ZNF236: variants seen among roughly 807,000 people sequenced by gnomAD.
ZNF236 encodes the protein zinc finger protein 236.
Under a neutral mutation model 191.2 loss-of-function variants are expected in ZNF236, and 50 were observed. That is an observed-to-expected ratio of 0.26 (90% confidence interval 0.21 to 0.33). ZNF236 has a LOEUF of 0.33. Ranked by LOEUF, ZNF236 falls within the 10% of genes least tolerant of loss-of-function variation. The pLI, the probability that ZNF236 is intolerant of heterozygous loss-of-function variation, is 1.00. For synonymous variants in ZNF236, 907 were observed against 928.8 expected, an observed-to-expected ratio of 0.98 and a Z score of 0.43; for missense variants, 1,754 against 2,374.5, an observed-to-expected ratio of 0.74 and a Z score of 5.43.
At chr18:76,939,514 G>A (rs1479866049) in intron 26 of ZNF236, among the ~76,000 whole-genome samples, 1 of 152,192 alleles carries the variant, frequency 6.6e-6, no homozygotes, top group African/African-American at 2.4e-5. Flanking sequence ...GGGGCAGGCA[G>A]TGGGCAGGGG....
chr18:76,888,220 G>A (rs111648382), intron 9 of ZNF236, among the ~76,000 whole-genome samples: 4,033 of 152,158 alleles, frequency 0.027, 166 homozygotes, highest in African/African-American at 0.082. Flanking sequence ...AAAATTAGCC[G>A]GGCATGGTGG....
At chr18:76,893,225 C>T (rs1026584486) in intron 9 of ZNF236, among the ~76,000 whole-genome samples, 2 of 152,118 alleles carry the variant, frequency 1.3e-5, no homozygotes, top group Non-Finnish European at 2.9e-5. Flanking sequence ...CTCTCATACC[C>T]TTTTTATACC....
At chr18:76,868,291 C>T (rs1161750496) in intron 3 of ZNF236, among the ~76,000 whole-genome samples, 2 of 152,130 alleles carry the variant, frequency 1.3e-5, no homozygotes, top group African/African-American at 4.8e-5. Flanking sequence ...TCTCTTAAAC[C>T]ATAATCTTAC....
chr18:76,916,845 G>T (rs1345880821), intron 19 of ZNF236, among the ~76,000 whole-genome samples: 2 of 152,160 alleles, frequency 1.3e-5, no homozygotes, highest in Non-Finnish European at 2.9e-5. Flanking sequence ...GGAGACAGGG[G>T]TGCTAAATGG....
Position 76,969,025 on chromosome 18 carries a change from T to A in ZNF236, c.*686T>A. 1 of 972,780 alleles carries A rather than the reference T, an allele frequency of 1.0e-6. No homozygotes were observed. The highest frequency in any genetic ancestry group is 1.2e-6 in the Non-Finnish European group (1 of 818,052). The allele number at this position is 972,780 out of a possible 1,614,324, so 60.3% of individuals were successfully genotyped here. A position where few individuals can be genotyped will look rare whatever the true frequency, so the allele number is the denominator to read the frequency against. ...TGACCCACCAATAAGGATTCAGCTG[T>A]CCACACGGGCTGGCGACACACTTAC... On this transcript the variant is annotated 3_prime_UTR_variant, in exon 31 of 31. Transcript: ENST00000320610.
At chr18:76,843,476 GA>G (rs1335574110) in intron 1 of ZNF236, among the ~76,000 whole-genome samples, 1 of 151,988 alleles carries the variant, frequency 6.6e-6, no homozygotes, top group Non-Finnish European at 1.5e-5. Context: ...AAGTAGAAGG[GA>G]GTTTTAAATA....
chr18:76,872,742 G>A (rs182789571), intron 5 of ZNF236, among the ~76,000 whole-genome samples: 2 of 152,260 alleles, frequency 1.3e-5, no homozygotes, highest in East Asian at 3.9e-4. Flanking sequence ...AAGGAAAATT[G>A]TACGAATATT....
intron 1 of ZNF236, among the ~76,000 whole-genome samples, chr18:76,839,553 G>A (rs1056635567): frequency 6.6e-6 from 1 of 152,170 alleles, no homozygotes; most frequent in African/African-American, 2.4e-5. Flanking sequence ...CAGGCTGAGA[G>A]AGTTTATTTG....
At chr18:76,908,284 A>G in intron 13 of ZNF236, 36 bp from the exon 14 acceptor site, 1 of 1,599,050 alleles carries the variant, frequency 6.3e-7, no homozygotes, top group Non-Finnish European at 8.6e-7. Context: ...CTTTGACAGC[A>G]TCTAACCTGA....
At chr18:76,887,347 G>A (rs1307587717) in intron 9 of ZNF236, 1 of 151,808 alleles carries the variant, frequency 6.6e-6, no homozygotes, top group Non-Finnish European at 1.5e-5. Context: ...ACTCCAGCCT[G>A]GGTGACAGAG....
chr18:76,902,688 C>T (rs1471926474), intron 11 of ZNF236, among the ~76,000 whole-genome samples: 1 of 152,060 alleles, frequency 6.6e-6, no homozygotes, highest in Non-Finnish European at 1.5e-5. Context: ...TCTCCTGCCT[C>T]AGCTTCCTGA....
At chr18:76,947,841 G>A (rs935055969) in intron 27 of ZNF236, among the ~76,000 whole-genome samples, 189 bp downstream of exon 27, 2 of 152,062 alleles carry the variant, frequency 1.3e-5, no homozygotes, top group Non-Finnish European at 2.9e-5. Flanking sequence ...TGACAGGTAC[G>A]ATATCTCATT....
In ZNF236 at chr18:76,972,028, T is replaced by G. The variant is rs1418489282; in HGVS notation, c.*3689T>G. Among the ~76,000 whole-genome samples, 1 of 152,248 alleles carries G rather than the reference T, an allele frequency of 6.6e-6. No homozygotes were observed. Among genetic ancestry groups the G allele is most frequent in the Non-Finnish European group, 1.5e-5 (1 of 68,046 alleles). ...GAAGTAAGTGAGGCAGAGATGAGAT[T>G]ATGCGGCGGATACTTCTGAAGGAAG... On this transcript the variant is annotated 3_prime_UTR_variant, in exon 31 of 31. Transcript: ENST00000320610.
At chr18:76,892,872 A>G (rs1328142276) in intron 9 of ZNF236, among the ~76,000 whole-genome samples, 1 of 152,154 alleles carries the variant, frequency 6.6e-6, no homozygotes, top group Non-Finnish European at 1.5e-5. Context: ...TGGACTTACT[A>G]TTTGAAGAGG....
rs1976838795 is a variant in ZNF236, at chr18:76,880,059, T to C, written c.985-54T>C. On this transcript the variant is annotated intron_variant, in intron 7 of 30. Coordinates refer to ENST00000320610, the MANE Select transcript of ZNF236 (RefSeq NM_001306089.2). This position sits in a 1 kb window ranked among gnomAD's most constrained non-coding sequence, Gnocchi z 5.0. ...CTGTTTTTTTTTTTTTAATTTTCCT[T>C]TTTAAATTGAAGAGCAAAATTGTAT... is the stretch of plus-strand genomic sequence containing the variant. The C allele has an allele frequency of 6.6e-7, 1 of 1,519,610 alleles. No homozygotes were observed. Among genetic ancestry groups the C allele is most frequent in the African/African-American group, 1.4e-5 (1 of 71,354 alleles). The allele number at this position is 1,519,610 out of a possible 1,614,324, so 94.1% of individuals were successfully genotyped here.
intron 9 of ZNF236, among the ~76,000 whole-genome samples, chr18:76,892,867 T>C (rs975671042): frequency 6.6e-6 from 1 of 152,184 alleles, no homozygotes. Context: ...GCACCTGGAC[T>C]TACTATTTGA....
chr18:76,833,938 A>T (rs997647724), intron 1 of ZNF236, among the ~76,000 whole-genome samples: 2 of 151,978 alleles, frequency 1.3e-5, no homozygotes, highest in Non-Finnish European at 2.9e-5. Context: ...CAGTCCTCTC[A>T]CCTCGGCCTC....
Position 76,880,238 on chromosome 18 carries a change from G to C in ZNF236, c.1110G>C (p.Ala370=). ...AGCTCCTGGAGCTCTCAGAGCCGGC[G>C]CCGGTGGAGTCGGGGCAGTCCCCGC... ...IQQLLELSEP[A]PVESGQSPQP... Residue 370 remains alanine (A), a synonymous_variant, in exon 8 of 31, where the codon GCG becomes GCC. Coordinates refer to ENST00000320610, the MANE Select transcript of ZNF236 (RefSeq NM_001306089.2). This position sits in a 1 kb window ranked among gnomAD's most constrained non-coding sequence, Gnocchi z 5.0. 6.2e-7 allele frequency: 1 copy of C among 1,614,128 alleles called. No homozygotes were observed. The highest frequency in any genetic ancestry group is 8.5e-7 in the Non-Finnish European group (1 of 1,180,014).
chr18:76,927,619 CT>C lies in ZNF236; in HGVS notation c.4414+105del. On this transcript the variant is annotated intron_variant, in intron 24 of 30. Transcript: ENST00000320610. The surrounding 1 kb of genome is among the most constrained non-coding windows in gnomAD (Gnocchi z 5.4). The stretch of plus-strand genomic sequence containing the variant: ...GGATGTTATGATGTCATTTTCTTCT[CT>C]TTGTAGAAGAGAATAAATCAAATGT... 2 of 1,424,214 alleles carry C rather than the reference CT, an allele frequency of 1.4e-6. No individual in the cohort carries two copies. Among genetic ancestry groups the C allele is most frequent in the Non-Finnish European group, 1.9e-6 (2 of 1,065,232 alleles). 88.2% of individuals were successfully genotyped at this position (1,424,214 alleles called of 1,614,324 possible). A position where few individuals can be genotyped will look rare whatever the true frequency, so the allele number is the denominator to read the frequency against.
Sources: allele counts gnomAD v4.1 joint callset (sites outside exome capture counted in the v4.1 genomes callset), GRCh38; gene constraint gnomAD v4.1.1; non-coding constraint Gnocchi (gnomAD v3.1); transcripts MANE v1.5; gene names NCBI Gene and HGNC (gene_info 2026-07-23, HGNC 2026-07-21).